The following CPNE4 variants were observed in gnomAD, a reference collection of about 807,000 sequenced individuals.
The protein encoded by CPNE4 is copine 4, also known as copine-4.
A neutral mutation model predicts 67.9 loss-of-function variants in CPNE4; 25 were observed. The ratio of observed to expected loss-of-function variants is 0.37; its 90% confidence interval spans 0.27 to 0.51. The LOEUF (loss-of-function observed/expected upper bound fraction) is 0.51, where lower values mean the gene tolerates loss of function less well. CPNE4 is among the 20% of genes least tolerant of loss of function. The pLI, the probability that CPNE4 is intolerant of heterozygous loss-of-function variation, is 0.93. For synonymous variants in CPNE4, 242 were observed against 244.9 expected (o/e 0.99, Z 0.11); for missense variants, 464 against 690.8 (o/e 0.67, Z 3.68).
At chr3:131,616,782 A>G (rs562098583) in intron 7 of CPNE4, among the ~76,000 whole-genome samples, 2 of 152,342 alleles carry the variant, frequency 1.3e-5, no homozygotes, top group African/African-American at 2.4e-5. Context: ...GAATTAAAGA[A>G]CAGACAGAAC....
At chr3:131,710,432 C>G (rs2107721326) in intron 3 of CPNE4, among the ~76,000 whole-genome samples, 1 of 152,206 alleles carries the variant, frequency 6.6e-6, no homozygotes, top group South Asian at 2.1e-4. Flanking sequence ...AGGAAGGATA[C>G]TTTTATCCTC....
chr3:131,687,430 A>T (rs544718094), intron 5 of CPNE4, among the ~76,000 whole-genome samples: 1 of 152,328 alleles, frequency 6.6e-6, no homozygotes, highest in African/African-American at 2.4e-5. Flanking sequence ...CTGGTATAGG[A>T]TAGGAGGCTA....
intron 3 of CPNE4, among the ~76,000 whole-genome samples, chr3:131,703,471 C>T (rs1169177736): frequency 6.6e-6 from 1 of 152,192 alleles, no homozygotes; most frequent in Non-Finnish European, 1.5e-5. Context: ...CTCTTATCTG[C>T]ATCCACCCAC....
Position 131,952,146 on chromosome 3 carries a change from C to G in CPNE4, c.-1-46702G>C, listed in dbSNP as rs374973192. Reference sequence around the variant, plus strand: ...TGCCTCTTCCCGGCCGCCATCACATCTAGGAAGTGAGGAGCATCTCTGCCC... The same window carrying G: ...TGCCTCTTCCCGGCCGCCATCACATGTAGGAAGTGAGGAGCATCTCTGCCC... On this transcript the variant is annotated intron_variant, in intron 1 of 15. Coordinates refer to ENST00000429747, the MANE Select transcript of CPNE4 (RefSeq NM_130808.3). Among the ~76,000 whole-genome samples the G allele has an allele frequency of 2.5e-4, 38 of 149,988 alleles. 1 individual carries two copies. The East Asian group carries it at 6.5e-3, about 26-fold the overall frequency.
intron 6 of CPNE4, among the ~76,000 whole-genome samples, chr3:131,675,753 C>T (rs370517219): frequency 2.4e-5 from 3 of 122,474 alleles, no homozygotes; most frequent in South Asian, 5.5e-4. Context: ...TTTATCCATT[C>T]GGCAACCCTA....
intron 3 of CPNE4, 35 bp from the exon 4 acceptor site, chr3:131,700,015 G>C: frequency 1.7e-6 from 2 of 1,181,892 alleles, no homozygotes; most frequent in South Asian, 2.5e-5. Flanking sequence ...ACAAAAGGTA[G>C]AGATACTAGT....
chr3:131,599,708 A>T lies in CPNE4; in HGVS notation c.682-12126T>A, dbSNP rs56259855. Among the ~76,000 whole-genome samples the T allele has an allele frequency of 6.8e-3, 1,035 of 152,306 alleles. 4 individuals carry two copies. Among genetic ancestry groups the T allele is most frequent in the Non-Finnish European group, 0.012 (785 of 68,026 alleles). ...AATCTGTCTGTACAAGGGCCTGAGT[A>T]TCTTCTGATGGACTCAACCTAAGGT... On this transcript the variant is annotated intron_variant, in intron 7 of 15. Coordinates refer to ENST00000429747, the MANE Select transcript of CPNE4 (RefSeq NM_130808.3).
chr3:132,014,321 CG>C (rs1469262818), intron 1 of CPNE4, among the ~76,000 whole-genome samples: 3 of 152,040 alleles, frequency 2.0e-5, no homozygotes, highest in African/African-American at 7.3e-5. Context: ...CTCCTCCCCC[CG>C]AATGCTCCTC....
chr3:131,705,753 T>C (rs2081399695), intron 3 of CPNE4, among the ~76,000 whole-genome samples: 1 of 152,222 alleles, frequency 6.6e-6, no homozygotes, highest in Non-Finnish European at 1.5e-5. Context: ...GCGTTCTAAT[T>C]ACTTCAAGTG....
At chr3:131,723,854 C>A (rs1250681411) in intron 2 of CPNE4, among the ~76,000 whole-genome samples, 4 of 152,078 alleles carry the variant, frequency 2.6e-5, no homozygotes, top group Non-Finnish European at 5.9e-5. Context: ...AGATTTAGAG[C>A]TCATTGTATG....
chr3:131,600,715 C>T (rs1939157771), intron 7 of CPNE4, among the ~76,000 whole-genome samples: 1 of 152,130 alleles, frequency 6.6e-6, no homozygotes, highest in African/African-American at 2.4e-5. Flanking sequence ...TACCACCTTC[C>T]TTATTAGCAG....
At chr3:131,999,241 TAAAAAAAAA>T (rs79127364) in intron 1 of CPNE4, among the ~76,000 whole-genome samples, 24,436 of 99,070 alleles carry the variant, frequency 0.25, 3,140 homozygotes, top group East Asian at 0.5. Context: ...TTATCCAAGG[TAAAAAAAAA>T]AAAAAAAAAA....
intron 1 of CPNE4, among the ~76,000 whole-genome samples, chr3:131,944,654 T>G (rs773850728): frequency 6.6e-6 from 1 of 152,052 alleles, no homozygotes; most frequent in African/African-American, 2.4e-5. Flanking sequence ...CCAGTTTTGC[T>G]GTTTTAACTT....
intron 2 of CPNE4, among the ~76,000 whole-genome samples, chr3:131,785,841 T>C (rs527977219): frequency 6.6e-6 from 1 of 152,210 alleles, no homozygotes; most frequent in East Asian, 1.9e-4. Flanking sequence ...GCCAAGACCT[T>C]AAGGAAGCCA....
At chr3:131,857,187 A>T (rs1396022497) in intron 2 of CPNE4, among the ~76,000 whole-genome samples, 2 of 152,054 alleles carry the variant, frequency 1.3e-5, no homozygotes, top group Admixed American at 1.3e-4. Flanking sequence ...CTGTGCTAAT[A>T]CTAGTGCAAG....
At position 131,716,585 on chromosome 3, in the gene CPNE4, C is replaced by G. The variant is rs142205472; in HGVS notation, c.360+6861G>C. ...AATGTTTTCACGCTGTATGTTTCCC[C>G]CTTTGTTCTGAAAACATGTTGGTCT... On this transcript the variant is annotated intron_variant, in intron 3 of 15. Transcript: ENST00000429747. Among the ~76,000 whole-genome samples, 758 of 152,260 alleles carry G rather than the reference C, an allele frequency of 5.0e-3. 4 individuals carry two copies. Among genetic ancestry groups the G allele is most frequent in the South Asian group, 7.2e-3 (35 of 4,828 alleles).
At chr3:131,687,282 T>C (rs2080915882) in intron 5 of CPNE4, among the ~76,000 whole-genome samples, 1 of 152,250 alleles carries the variant, frequency 6.6e-6, no homozygotes, top group Non-Finnish European at 1.5e-5. Flanking sequence ...CAGTAGATTA[T>C]AAATTCTCAA....
chr3:132,014,378 G>C (rs1206192562), intron 1 of CPNE4, among the ~76,000 whole-genome samples: 5 of 151,954 alleles, frequency 3.3e-5, no homozygotes, highest in Non-Finnish European at 5.9e-5. Context: ...CTGTTTCTGA[G>C]AAGGGCAGGG....
intron 1 of CPNE4, among the ~76,000 whole-genome samples, chr3:131,937,879 G>C (rs1036295689): frequency 2.0e-5 from 3 of 152,048 alleles, no homozygotes; most frequent in African/African-American, 7.2e-5. Flanking sequence ...AAATCAGGTA[G>C]AAAGAGAGAG....
Sources: gnomAD v4.1 joint callset for allele counts (sites outside exome capture counted in the v4.1 genomes callset) on GRCh38, gnomAD v4.1.1 for gene constraint, MANE v1.5 for transcripts, NCBI Gene and HGNC (gene_info 2026-07-23, HGNC 2026-07-21) for gene names.